KRT7: variants seen among roughly 807,000 people sequenced by gnomAD.
KRT7 encodes keratin, type II cytoskeletal 7.
Under a neutral mutation model 42.8 loss-of-function variants are expected in KRT7, and 50 were observed. That is an observed-to-expected ratio of 1.17 (90% CI 0.93 to 1.48). KRT7 has a LOEUF of 1.48. Ranked by LOEUF, KRT7 falls within the 40% of genes most tolerant of loss-of-function variation. The probability of loss-of-function intolerance (pLI) is 0.00; values close to 1 mark genes in which losing one functional copy is unlikely to be tolerated. For missense variants in KRT7, 588 were observed against 637.6 expected (o/e 0.92, Z 0.84); for synonymous variants, 268 against 266.3 (o/e 1.01, Z -0.06).
rs540938756 is a variant in KRT7 at position 52,235,195 on chromosome 12, A to G, written c.365A>G (p.Lys122Arg). Reference protein sequence around the residue: ...LEQQNKLLETKWTLLQEQKSA... With the variant: ...LEQQNKLLETRWTLLQEQKSA... ...CAGCAGAACAAGCTGCTGGAGACCA[A>G]GTGGACGCTGCTGCAGGAGCAGAAG... Residue 122 changes from lysine (K) to arginine (R), a missense_variant, in exon 2 of 9, where the codon AAG (lysine) becomes AGG (arginine). Physicochemically the swap from Lys to Arg is conservative, Grantham distance 26. Coordinates refer to ENST00000331817, the MANE Select transcript of KRT7 (RefSeq NM_005556.4). The G allele has an allele frequency of 6.2e-7, 1 of 1,614,134 alleles. No individual in the cohort carries two copies. The highest frequency in any genetic ancestry group is 1.3e-5 in the African/African-American group (1 of 75,048).
At chr12:52,237,087 C>T (rs1044601114) in intron 2 of KRT7, among the ~76,000 whole-genome samples, 4 of 152,178 alleles carry the variant, frequency 2.6e-5, no homozygotes, top group Non-Finnish European at 5.9e-5. Context: ...GATTACGCTG[C>T]CTCTCTGTGT....
At chr12:52,237,384 T>C in intron 2 of KRT7, 125 bp from the exon 3 acceptor site, 1 of 634,634 alleles carries the variant, frequency 1.6e-6, no homozygotes, top group Non-Finnish European at 2.6e-6. Context: ...ACACCTGTTT[T>C]TTCAGGTGTG....
chr12:52,255,017 A>G (rs1942319020), downstream of KRT7, among the ~76,000 whole-genome samples: 1 of 152,154 alleles, frequency 6.6e-6, no homozygotes, highest in Non-Finnish European at 1.5e-5. Context: ...ACTCGCAAAT[A>G]TTTACAGGGT....
downstream of KRT7, chr12:52,251,979 C>A (rs1942272085): frequency 3.2e-6 from 2 of 624,860 alleles, no homozygotes; most frequent in Non-Finnish European, 5.9e-6. Context: ...GTTTGCCTGC[C>A]CAGAACCCCA....
intron 5 of KRT7, among the ~76,000 whole-genome samples, chr12:52,242,746 G>T (rs1942111592): frequency 6.6e-6 from 1 of 152,146 alleles, no homozygotes; most frequent in Admixed American, 6.5e-5. Flanking sequence ...TTCTCCAGCA[G>T]AAGGGCATGG....
chr12:52,251,318 C>T (rs1383076877), downstream of KRT7, among the ~76,000 whole-genome samples: 1 of 152,176 alleles, frequency 6.6e-6, no homozygotes, highest in African/African-American at 2.4e-5. Context: ...CTGGGCCACA[C>T]TGGAAGAAGA....
chr12:52,254,353 A>T (rs1942311175), downstream of KRT7: 3 of 822,496 alleles, frequency 3.6e-6, no homozygotes, highest in Non-Finnish European at 6.1e-6. Flanking sequence ...GCAGGTAGGC[A>T]CAGTCCACAT....
chr12:52,234,127 A>AGGGGG (rs574825664), intron 1 of KRT7, among the ~76,000 whole-genome samples: 2 of 82,828 alleles, frequency 2.4e-5, no homozygotes, highest in Admixed American at 1.1e-4. Context: ...GGGGCGGGGG[A>AGGGGG]GGGGGGGGGG....
chr12:52,245,199 T>G (rs1481195767), intron 6 of KRT7: 6 of 591,692 alleles, frequency 1.0e-5, no homozygotes, highest in Non-Finnish European at 1.8e-5. Flanking sequence ...TCATCCATGG[T>G]CACACAGCTA....
chr12:52,254,375 GA>G, downstream of KRT7: 1 of 752,182 alleles, frequency 1.3e-6, no homozygotes, highest in Non-Finnish European at 2.3e-6. Flanking sequence ...CTAAAGGGGA[GA>G]AGGTGGCACA....
At chr12:52,233,686 G>C (rs1326800179) in intron 1 of KRT7, 66 bp downstream of exon 1, 19 of 1,523,486 alleles carry the variant, frequency 1.2e-5, no homozygotes, top group Middle Eastern at 2.3e-4. Context: ...GCCCTAACTA[G>C]CCCTGCCTGC....
At chr12:52,252,514 T>G, downstream of KRT7, 3 of 1,609,302 alleles carry the variant, frequency 1.9e-6, no homozygotes, top group Non-Finnish European at 2.5e-6. Flanking sequence ...TAAGGATCTC[T>G]GTTCTGGCTT....
chr12:52,253,745 C>T (rs770698546), downstream of KRT7: 10 of 1,081,760 alleles, frequency 9.2e-6, no homozygotes, highest in Admixed American at 3.8e-5. Flanking sequence ...CTGAGATGTG[C>T]GACTGGAGAA....
intron 2 of KRT7, among the ~76,000 whole-genome samples, chr12:52,237,237 T>G (rs1163889543): frequency 2.0e-5 from 3 of 152,168 alleles, no homozygotes; most frequent in Admixed American, 6.5e-5. Flanking sequence ...ATTATTTGCT[T>G]TTTTTCTCCC....
intron 2 of KRT7, among the ~76,000 whole-genome samples, chr12:52,236,957 C>T (rs1017750623): frequency 6.6e-6 from 1 of 152,102 alleles, no homozygotes; most frequent in Non-Finnish European, 1.5e-5. Context: ...GGGTTCCTCC[C>T]CTTCAGACTC....
In KRT7 at chr12:52,244,425, G is replaced by T. The variant is rs930530204; in HGVS notation, c.985-987G>T. ...TACCACCACTGAGGGGCGTCATGGG[G>T]AGCTACAAGGGGTCTCCAGAGGCAG... On this transcript the variant is annotated intron_variant, in intron 6 of 8. Transcript: ENST00000331817. 1.6e-5 allele frequency: 16 copies of T among 985,808 alleles called. No homozygotes were observed. In the East Asian group the frequency reaches 1.7e-3, roughly 105 times the overall value. The allele number at this position is 985,808 out of a possible 1,614,324, so 61.1% of individuals were successfully genotyped here.
downstream of KRT7, chr12:52,250,384 T>A: frequency 2.6e-6 from 1 of 384,864 alleles, no homozygotes; most frequent in Non-Finnish European, 4.9e-6. Flanking sequence ...CTTCCCCACG[T>A]CTGGGGACCG....
intron 7 of KRT7, chr12:52,247,849 A>T: frequency 2.7e-6 from 1 of 367,934 alleles, no homozygotes; most frequent in Non-Finnish European, 5.0e-6. Context: ...ACCGAATCCC[A>T]GGTGCTCAGG....
chr12:52,240,159 G>A (rs1055701469), intron 4 of KRT7, among the ~76,000 whole-genome samples: 1 of 114,332 alleles, frequency 8.7e-6, no homozygotes, highest in Non-Finnish European at 1.8e-5. Context: ...AAACACACAT[G>A]TGTACACACA....
Sources: allele counts gnomAD v4.1 joint callset (sites outside exome capture counted in the v4.1 genomes callset), GRCh38; gene constraint gnomAD v4.1.1; transcripts MANE v1.5; gene names NCBI Gene and HGNC (gene_info 2026-07-23, HGNC 2026-07-21).